The following KANK1 variants were observed in gnomAD, a reference collection of about 807,000 sequenced individuals.
KANK1 encodes the protein KN motif and ankyrin repeat domain-containing protein 1.
A neutral mutation model predicts 106.2 loss-of-function variants in KANK1; 109 were observed. The ratio of observed to expected loss-of-function variants is 1.03; its 90% CI spans 0.88 to 1.20. The LOEUF (loss-of-function observed/expected upper bound fraction) is 1.20, where lower values mean the gene tolerates loss of function less well. Ranked by LOEUF, KANK1 falls within the 50% of genes most tolerant of loss-of-function variation. The pLI is 0.00. For missense variants in KANK1, 2,399 were observed against 1,710.7 expected, an observed-to-expected ratio of 1.40 and a Z score of -7.10; for synonymous variants, 873 against 652.2, an observed-to-expected ratio of 1.34 and a Z score of -5.16.
At chr9:641,254 G>C (rs1398553349) in intron 1 of KANK1, among the ~76,000 whole-genome samples, 1 of 152,174 alleles carries the variant, frequency 6.6e-6, no homozygotes, top group Non-Finnish European at 1.5e-5. Context: ...GTATGTTTAA[G>C]GATAGTCTGG....
chr9:535,171 CT>C (rs1476508451), intron 1 of KANK1, among the ~76,000 whole-genome samples: 2 of 152,030 alleles, frequency 1.3e-5, no homozygotes, highest in African/African-American at 2.4e-5. Flanking sequence ...TCCTTTTTTT[CT>C]TTCTCTGTTG....
chr9:664,598 C>G lies in KANK1; in HGVS notation c.-83-12292C>G, dbSNP rs188402811. ...CCATTGATGGACACTTAGGTTGATTCCATATTTTGTCTATTATGGATAGTG... is the reference window on the plus strand; with the variant it reads ...CCATTGATGGACACTTAGGTTGATTGCATATTTTGTCTATTATGGATAGTG... On this transcript the variant is annotated intron_variant, in intron 1 of 11. Coordinates refer to ENST00000382297, the MANE Select transcript of KANK1 (RefSeq NM_015158.5). Among the ~76,000 whole-genome samples, 428 of 152,246 alleles carry G rather than the reference C, an allele frequency of 2.8e-3. 4 individuals carry two copies. The highest frequency in any genetic ancestry group is 8.7e-3 in the African/African-American group (362 of 41,530).
At chr9:606,471 A>G (rs1331557934) in intron 1 of KANK1, among the ~76,000 whole-genome samples, 1 of 147,724 alleles carries the variant, frequency 6.8e-6, no homozygotes. Context: ...CAGGAGAATC[A>G]CTTGAACCCA....
At chr9:527,620 G>C (rs1445476178) in intron 1 of KANK1, among the ~76,000 whole-genome samples, 1 of 151,438 alleles carries the variant, frequency 6.6e-6, no homozygotes, top group African/African-American at 2.4e-5. Context: ...TCTTGGTAGA[G>C]AGCATTGGCC....
chr9:692,256 C>G (rs1020539970), intron 2 of KANK1, among the ~76,000 whole-genome samples: 1 of 152,146 alleles, frequency 6.6e-6, no homozygotes, highest in African/African-American at 2.4e-5. Context: ...GATGGGAGAC[C>G]TTAAAGGTGA....
At chr9:596,609 G>A (rs1333372488) in intron 1 of KANK1, among the ~76,000 whole-genome samples, 12 of 151,660 alleles carry the variant, frequency 7.9e-5, no homozygotes, top group Admixed American at 6.6e-4. Flanking sequence ...GAAGATGCCC[G>A]TTTACACTGG....
At chr9:492,218 T>A (rs966704884) in intron 3 of KANK1, 9 of 152,226 alleles carry the variant, frequency 5.9e-5, no homozygotes, top group Non-Finnish European at 1.2e-4. Context: ...AACTTCCAGT[T>A]TTGAGTCTTA....
chr9:709,093 C>T (rs113255874), intron 2 of KANK1, among the ~76,000 whole-genome samples: 2,492 of 152,246 alleles, frequency 0.016, 34 homozygotes, highest in Non-Finnish European at 0.023. Flanking sequence ...TCTGTTTGAA[C>T]TCATGACAAT....
At chr9:584,673 G>T (rs1486925434) in intron 1 of KANK1, among the ~76,000 whole-genome samples, 2 of 152,132 alleles carry the variant, frequency 1.3e-5, no homozygotes, top group African/African-American at 2.4e-5. Context: ...ATTTGTTAGG[G>T]AACCAAAACC....
chr9:618,582 A>C (rs1475649233), intron 1 of KANK1, among the ~76,000 whole-genome samples: 1 of 152,138 alleles, frequency 6.6e-6, no homozygotes, highest in African/African-American at 2.4e-5. Flanking sequence ...ATTTTTTTTA[A>C]AGCAAAGATT....
At chr9:722,349 C>G (rs902426589) in intron 3 of KANK1, among the ~76,000 whole-genome samples, 3 of 151,998 alleles carry the variant, frequency 2.0e-5, no homozygotes, top group Non-Finnish European at 4.4e-5. Flanking sequence ...GTCTGTCTGC[C>G]TCTCTTGCTC....
intron 6 of KANK1, chr9:733,286 T>A (rs1832812828): frequency 6.6e-6 from 1 of 152,256 alleles, no homozygotes. Context: ...TTTCAGTATG[T>A]GAAATATAAA....
intron 1 of KANK1, among the ~76,000 whole-genome samples, chr9:592,564 A>G (rs772486630): frequency 2.0e-5 from 3 of 151,794 alleles, no homozygotes; most frequent in Non-Finnish European, 4.4e-5. Context: ...TGCCGGTCAG[A>G]CCTGGCAAGT....
At chr9:631,178 A>C (rs1835645252) in intron 1 of KANK1, among the ~76,000 whole-genome samples, 1 of 152,146 alleles carries the variant, frequency 6.6e-6, no homozygotes, top group Admixed American at 6.5e-5. Flanking sequence ...CCTTTGAGAC[A>C]AAGGGCATGA....
intron 1 of KANK1, among the ~76,000 whole-genome samples, chr9:660,638 C>T (rs948240051): frequency 7.2e-5 from 11 of 152,100 alleles, no homozygotes; most frequent in Admixed American, 2.0e-4. Flanking sequence ...TACGTCTGGC[C>T]AGAAGCTCCT....
At chr9:614,010 G>A (rs1034594896) in intron 1 of KANK1, among the ~76,000 whole-genome samples, 1 of 152,138 alleles carries the variant, frequency 6.6e-6, no homozygotes, top group Non-Finnish European at 1.5e-5. Flanking sequence ...TGTGCATAGC[G>A]CTCCAAGCAT....
At chr9:504,508 T>C (rs2058635022), upstream of KANK1, among the ~76,000 whole-genome samples, 1 of 151,402 alleles carries the variant, frequency 6.6e-6, no homozygotes, top group African/African-American at 2.4e-5. Flanking sequence ...AGCCGGGGCT[T>C]CGCCGGCCCG....
chr9:600,162 C>CA (rs1348713830), intron 1 of KANK1, among the ~76,000 whole-genome samples: 3 of 151,770 alleles, frequency 2.0e-5, no homozygotes, highest in South Asian at 4.1e-4. Flanking sequence ...TTTCATCTTT[C>CA]AAAACAAAAG....
At chr9:603,332 C>A (rs964399241) in intron 1 of KANK1, among the ~76,000 whole-genome samples, 1 of 151,704 alleles carries the variant, frequency 6.6e-6, no homozygotes, top group African/African-American at 2.4e-5. Context: ...TGACTTTGAC[C>A]CTGAATGTGT....
Sources: allele counts gnomAD v4.1 joint callset (sites outside exome capture counted in the v4.1 genomes callset), GRCh38; gene constraint gnomAD v4.1.1; transcripts MANE v1.5; gene names NCBI Gene and HGNC (gene_info 2026-07-23, HGNC 2026-07-21).